The following AEBP2 variants were observed in gnomAD, a reference collection of about 807,000 sequenced individuals.
AEBP2 encodes the protein AE binding protein 2.
AEBP2 carries 10 observed loss-of-function variants against 50.8 expected under a neutral mutation model. That is an observed-to-expected ratio of 0.20 (90% CI 0.12 to 0.33). AEBP2 has a LOEUF of 0.33. Among genes scored for constraint, AEBP2 ranks in the 10% least tolerant of loss-of-function variants. The pLI, the probability that AEBP2 is intolerant of heterozygous loss-of-function variation, is 1.00. For synonymous variants in AEBP2, 296 were observed against 261.3 expected (o/e 1.13, Z -1.28); for missense variants, 570 against 688.0 (o/e 0.83, Z 1.92).
intron 1 of AEBP2, among the ~76,000 whole-genome samples, chr12:19,433,060 T>A (rs568204683): frequency 6.6e-6 from 1 of 152,118 alleles, no homozygotes; most frequent in South Asian, 2.1e-4. Flanking sequence ...AGAACAGTGA[T>A]TCTCAATTTG....
chr12:19,429,878 C>A (rs533820501), intron 1 of AEBP2, among the ~76,000 whole-genome samples: 44 of 151,760 alleles, frequency 2.9e-4, no homozygotes, highest in African/African-American at 1.0e-3. Context: ...TGAATATTAG[C>A]CCTTTGTCAG....
At chr12:19,473,376 A>ATTTATTTATTT (rs1948599407) in intron 3 of AEBP2, 21 bp downstream of exon 3, 1 of 168,356 alleles carries the variant, frequency 5.9e-6, no homozygotes, top group African/African-American at 7.3e-5. Context: ...ATGTATATAA[A>ATTTATTTATTT]ATTTATTTAT....
chr12:19,434,467 C>T (rs1351747252), intron 1 of AEBP2, among the ~76,000 whole-genome samples: 1 of 152,024 alleles, frequency 6.6e-6, no homozygotes, highest in Non-Finnish European at 1.5e-5. Context: ...GCCACTGTGC[C>T]TGGCCCTTAG....
At chr12:19,494,886 G>A (rs771623265) in intron 4 of AEBP2, among the ~76,000 whole-genome samples, 6 of 151,990 alleles carry the variant, frequency 3.9e-5, no homozygotes, top group Non-Finnish European at 7.4e-5. Flanking sequence ...GTGTCAGCTG[G>A]TTAGTTTGTG....
At chr12:19,492,066 G>C in intron 3 of AEBP2, among the ~76,000 whole-genome samples, 1 of 152,136 alleles carries the variant, frequency 6.6e-6, no homozygotes, top group Admixed American at 6.6e-5. Flanking sequence ...CTATTATCTA[G>C]ATGAACTTTT....
intron 1 of AEBP2, among the ~76,000 whole-genome samples, chr12:19,415,613 A>T (rs1379208648): frequency 6.6e-6 from 1 of 151,274 alleles, no homozygotes; most frequent in East Asian, 1.9e-4. Context: ...GATTACCTAA[A>T]ATTTTTCCAG....
intron 1 of AEBP2, among the ~76,000 whole-genome samples, chr12:19,446,603 G>T (rs1691322038): frequency 6.6e-6 from 1 of 152,048 alleles, no homozygotes; most frequent in South Asian, 2.1e-4. Context: ...GTGGTGGCGG[G>T]CACCTGTAGT....
intron 1 of AEBP2, chr12:19,457,501 C>CCATCTCAGCAGCCTCCTTCT (rs1948291553): frequency 6.7e-7 from 1 of 1,496,072 alleles, no homozygotes; most frequent in African/African-American, 1.4e-5. Flanking sequence ...GAGCCCTTTC[C>CCATCTCAGCAGCCTCCTTCT]CATCTCAGCA....
chr12:19,439,887 G>C lies in AEBP2; in HGVS notation c.188G>C (p.Ser63Thr). Residue 63 changes from serine to threonine, a missense_variant, in exon 1 of 8, where the codon AGC becomes ACC. By Grantham distance (58) the Ser-to-Thr change is moderately conservative. This residue lies in a region of AEBP2 where 386 missense variants were observed against 336.8 expected (regional missense o/e 1.15). Coordinates refer to ENST00000266508, the MANE Select transcript of AEBP2 (RefSeq NM_153207.5). ...GCGGCGCTGCTGCTGAACGGCGGCA[G>C]CGGTGGGGGCGGCGGAGGCGGCGGC... ...AVAALLLNGG[S>T]GGGGGGGGGG... 3 of 1,485,210 alleles carry C rather than the reference G, an allele frequency of 2.0e-6. No individual in the cohort carries two copies. The highest frequency in any genetic ancestry group is 2.7e-6 in the Non-Finnish European group (3 of 1,126,858). 92.0% of individuals were successfully genotyped at this position (1,485,210 alleles called of 1,614,324 possible).
chr12:19,439,926 G>A lies in AEBP2; in HGVS notation c.227G>A (p.Gly76Asp). The A allele has an allele frequency of 6.6e-7, 1 of 1,509,128 alleles. No individual in the cohort carries two copies. Among genetic ancestry groups the A allele is most frequent in the East Asian group, 2.7e-5 (1 of 37,354 alleles). 93.5% of individuals were successfully genotyped at this position (1,509,128 alleles called of 1,614,324 possible). The change falls in exon 1 of 8, where the codon GGC (glycine) becomes GAC (aspartate). Residue 76 changes from glycine (G) to aspartate (D), a missense_variant. Gly to Asp is a moderately conservative substitution (Grantham distance 94). Around this residue, in one of 2 missense-constraint regions of AEBP2, gnomAD observed 386 missense variants for 336.8 expected, o/e 1.15. Transcript: ENST00000266508. ...GGAGGCGGCGGCGGAGGAGTGGGGG[G>A]CGGCGAGGCAGAGACGATGTCGGAG... ...GGGGGGGGVG[G>D]GEAETMSEPS...
At chr12:19,492,004 A>T (rs1184479637) in intron 3 of AEBP2, among the ~76,000 whole-genome samples, 1 of 152,112 alleles carries the variant, frequency 6.6e-6, no homozygotes, top group Non-Finnish European at 1.5e-5. Context: ...TACAATTGGT[A>T]GAGGTACCTC....
chr12:19,440,353 C>A lies in AEBP2; in HGVS notation c.654C>A (p.Arg218=), dbSNP rs764726940. ...CGTCGGATGGGGAACCCCTGAGCCG[C>A]ATGGACTCGGAGGACAGGTCAGTGC... ...EMSSDGEPLS[R]MDSEDSISST... The change falls in exon 1 of 8, where the codon CGC becomes CGA. Residue 218 remains arginine, a synonymous_variant. Transcript: ENST00000266508. 2.7e-6 allele frequency: 4 copies of A among 1,469,252 alleles called. No homozygotes were observed. The highest frequency in any genetic ancestry group is 3.6e-6 in the Non-Finnish European group (4 of 1,117,784). The allele number at this position is 1,469,252 out of a possible 1,614,324, so 91.0% of individuals were successfully genotyped here. A position where few individuals can be genotyped will look rare whatever the true frequency, so the allele number is the denominator to read the frequency against.
intron 1 of AEBP2, chr12:19,440,580 CA>C: frequency 6.9e-7 from 1 of 1,446,772 alleles, no homozygotes; most frequent in South Asian, 1.4e-5. Flanking sequence ...CGTTCCCCCC[CA>C]ACTCTCCTTT....
chr12:19,480,131 C>T (rs1240848998), intron 3 of AEBP2, among the ~76,000 whole-genome samples: 2 of 151,982 alleles, frequency 1.3e-5, no homozygotes, highest in Non-Finnish European at 2.9e-5. Flanking sequence ...GTCATGGAGT[C>T]TCACTCTGTT....
At position 19,464,436 on chromosome 12, in the gene AEBP2, G is replaced by A. The variant is rs556395321; in HGVS notation, c.879+1719G>A. ...CACTGGGCTTCTCTTAGTAGATGTG[G>A]GAGAGGGAGAATTTCACATTTCTGA... On this transcript the variant is annotated intron_variant, in intron 2 of 7. Transcript: ENST00000266508. Among the ~76,000 whole-genome samples, 6 of 152,184 alleles carry A rather than the reference G, an allele frequency of 3.9e-5. No homozygotes were observed. The East Asian group carries it at 1.2e-3, about 29-fold the overall frequency.
At chr12:19,418,169 G>T (rs1160279569) in intron 1 of AEBP2, among the ~76,000 whole-genome samples, 1 of 152,122 alleles carries the variant, frequency 6.6e-6, no homozygotes, top group East Asian at 1.9e-4. Flanking sequence ...TAAGAGCCTT[G>T]GTCTCTACAA....
At chr12:19,420,417 T>C (rs1404869432) in intron 1 of AEBP2, among the ~76,000 whole-genome samples, 1 of 144,820 alleles carries the variant, frequency 6.9e-6, no homozygotes, top group Non-Finnish European at 1.5e-5. Context: ...CACTACAGTC[T>C]CTACCTCCCG....
chr12:19,433,086 TA>T (rs927584732), intron 1 of AEBP2, among the ~76,000 whole-genome samples: 9 of 149,436 alleles, frequency 6.0e-5, no homozygotes, highest in East Asian at 2.0e-4. Context: ...GACCAGTATT[TA>T]AAAAAAAAAA....
chr12:19,474,793 GT>G (rs11438547), intron 3 of AEBP2, among the ~76,000 whole-genome samples: 3 of 150,702 alleles, frequency 2.0e-5, no homozygotes, highest in Admixed American at 6.6e-5. Flanking sequence ...AATTTGAATA[GT>G]TTTTTTTTCC....
Sources: gnomAD v4.1 joint callset for allele counts (sites outside exome capture counted in the v4.1 genomes callset) on GRCh38, gnomAD v4.1.1 for gene constraint, gnomAD v4.1.1 regional missense constraint, MANE v1.5 for transcripts, NCBI Gene and HGNC (gene_info 2026-07-23, HGNC 2026-07-21) for gene names.